TNIK: variants seen among roughly 807,000 people sequenced by gnomAD.
The protein encoded by TNIK is TRAF2 and NCK interacting kinase.
In TNIK, 49 loss-of-function variants were observed where a neutral mutation model predicts 191.3. The ratio of observed to expected loss-of-function variants is 0.26; its 90% CI spans 0.20 to 0.32. TNIK has a LOEUF of 0.32. TNIK is among the 10% of genes least tolerant of loss of function. The probability of loss-of-function intolerance (pLI) is 1.00; values close to 1 mark genes in which losing one functional copy is unlikely to be tolerated. For missense variants in TNIK, 1,155 were observed against 1,702.3 expected, an observed-to-expected ratio of 0.68 and a Z score of 5.66; for synonymous variants, 594 against 600.9, an observed-to-expected ratio of 0.99 and a Z score of 0.17.
chr3:171,213,021 A>C (rs1451083936), intron 3 of TNIK, among the ~76,000 whole-genome samples: 3 of 152,092 alleles, frequency 2.0e-5, no homozygotes, highest in African/African-American at 7.2e-5. Flanking sequence ...CATGTGGCCG[A>C]AACAGTGGGG....
chr3:171,201,972 C>T (rs1739470435), intron 4 of TNIK, among the ~76,000 whole-genome samples: 1 of 152,164 alleles, frequency 6.6e-6, no homozygotes, highest in African/African-American at 2.4e-5. Flanking sequence ...CAACTCTCTA[C>T]CTTGAACATG....
At chr3:171,211,562 G>C (rs1740825236) in intron 3 of TNIK, among the ~76,000 whole-genome samples, 1 of 152,090 alleles carries the variant, frequency 6.6e-6, no homozygotes, top group Non-Finnish European at 1.5e-5. Flanking sequence ...TAGGCCTCTG[G>C]GAACTACATC....
chr3:171,413,299 C>T (rs1184823459), intron 1 of TNIK, among the ~76,000 whole-genome samples: 7 of 152,126 alleles, frequency 4.6e-5, no homozygotes. Flanking sequence ...ATTTTTTATG[C>T]TAATAGGATA....
In TNIK at chr3:171,107,047, ACTCCTCCCAGCAGATTGCTACAAAT is replaced by A. The variant is rs1207849436; in HGVS notation, c.2406+111_2406+135del. The A allele has an allele frequency of 2.1e-5, 18 of 867,844 alleles. No individual in the cohort carries two copies. The African/African-American group carries it at 2.3e-4, about 11-fold the overall frequency. 53.8% of individuals were successfully genotyped at this position (867,844 alleles called of 1,614,324 possible). ...AAAGTTGGCTTCCATTTGAAGGGGCACTCCTCCCAGCAGATTGCTACAAATCTCCTCCCAGCTGATTGCTCCCATT... is the reference window on the plus strand; with the variant it reads ...AAAGTTGGCTTCCATTTGAAGGGGCACTCCTCCCAGCTGATTGCTCCCATT... On this transcript the variant is annotated intron_variant, in intron 21 of 32. Transcript: ENST00000436636.
intron 18 of TNIK, among the ~76,000 whole-genome samples, chr3:171,122,269 G>T (rs34289472): frequency 6.6e-6 from 1 of 152,226 alleles, no homozygotes; most frequent in Non-Finnish European, 1.5e-5. Flanking sequence ...CGGGGGCAGG[G>T]TTCAAAGGAA....
intron 18 of TNIK, among the ~76,000 whole-genome samples, chr3:171,117,355 G>GT (rs1195205267): frequency 5.3e-5 from 8 of 152,310 alleles, no homozygotes; most frequent in Admixed American, 4.6e-4. Context: ...TTGGTGCAAG[G>GT]TTATCAGAGC....
chr3:171,408,546 G>C (rs1198776051), intron 1 of TNIK, among the ~76,000 whole-genome samples: 1 of 152,166 alleles, frequency 6.6e-6, no homozygotes, highest in Non-Finnish European at 1.5e-5. Flanking sequence ...GGCCGATCTG[G>C]ATCCAATTCA....
intron 1 of TNIK, among the ~76,000 whole-genome samples, chr3:171,434,681 A>C (rs1725810479): frequency 6.6e-6 from 1 of 152,038 alleles, no homozygotes; most frequent in African/African-American, 2.4e-5. Flanking sequence ...GCTGGTCTTG[A>C]ACTCCTGGCC....
chr3:171,289,421 C>T (rs1178247136), intron 2 of TNIK, among the ~76,000 whole-genome samples: 1 of 152,146 alleles, frequency 6.6e-6, no homozygotes, highest in African/African-American at 2.4e-5. Context: ...CTGTAAATGT[C>T]ACTACTGATC....
chr3:171,142,613 G>A (rs561041991), intron 12 of TNIK, among the ~76,000 whole-genome samples: 28 of 152,314 alleles, frequency 1.8e-4, no homozygotes, highest in African/African-American at 6.0e-4. Context: ...AGTGGGGTGG[G>A]TACCAGCATG....
chr3:171,432,481 A>G (rs908066369), intron 1 of TNIK, among the ~76,000 whole-genome samples: 1 of 152,226 alleles, frequency 6.6e-6, no homozygotes, highest in Non-Finnish European at 1.5e-5. Context: ...CAAACCCTAT[A>G]TCTATGCCTA....
At chr3:171,385,440 CCAT>C (rs1340513238) in intron 1 of TNIK, among the ~76,000 whole-genome samples, 1 of 152,048 alleles carries the variant, frequency 6.6e-6, no homozygotes, top group Non-Finnish European at 1.5e-5. Flanking sequence ...GGAGGAACCT[CCAT>C]CATCCATTTC....
chr3:171,434,830 A>G (rs531973217), intron 1 of TNIK, among the ~76,000 whole-genome samples: 3 of 152,120 alleles, frequency 2.0e-5, no homozygotes, highest in Admixed American at 1.3e-4. Flanking sequence ...CCATTACATT[A>G]TATATTATTA....
At chr3:171,390,312 G>C (rs1173376416) in intron 1 of TNIK, among the ~76,000 whole-genome samples, 1 of 152,174 alleles carries the variant, frequency 6.6e-6, no homozygotes, top group Non-Finnish European at 1.5e-5. Flanking sequence ...CCTTCACTCA[G>C]TGTTAATTAC....
At chr3:171,221,627 A>T (rs1397215044) in intron 3 of TNIK, among the ~76,000 whole-genome samples, 1 of 151,942 alleles carries the variant, frequency 6.6e-6, no homozygotes, top group Non-Finnish European at 1.5e-5. Context: ...TCACTGGATG[A>T]CTCCGTAGCA....
At chr3:171,229,169 C>A (rs139294640) in intron 2 of TNIK, among the ~76,000 whole-genome samples, 1 of 152,080 alleles carries the variant, frequency 6.6e-6, no homozygotes, top group Non-Finnish European at 1.5e-5. Flanking sequence ...GTAGTGAGAA[C>A]GATATGAGAT....
chr3:171,383,282 T>C (rs758689245), intron 1 of TNIK, among the ~76,000 whole-genome samples: 1 of 152,360 alleles, frequency 6.6e-6, no homozygotes, highest in East Asian at 1.9e-4. Flanking sequence ...ATGCTGGAGC[T>C]TGTGGTCTCT....
chr3:171,230,800 G>A (rs1035541033), intron 2 of TNIK, among the ~76,000 whole-genome samples: 2 of 152,064 alleles, frequency 1.3e-5, no homozygotes, highest in African/African-American at 4.8e-5. Context: ...GACCTCAAAG[G>A]ATTAATATCC....
At chr3:171,223,662 T>C (rs1207364919) in intron 3 of TNIK, among the ~76,000 whole-genome samples, 1 of 152,192 alleles carries the variant, frequency 6.6e-6, no homozygotes, top group African/African-American at 2.4e-5. Context: ...TCATGGAACC[T>C]GCTTGGTTAG....
Sources: allele counts gnomAD v4.1 joint callset (sites outside exome capture counted in the v4.1 genomes callset), GRCh38; gene constraint gnomAD v4.1.1; transcripts MANE v1.5; gene names NCBI Gene and HGNC (gene_info 2026-07-23, HGNC 2026-07-21).